The following GSG1L variants were observed in gnomAD, a reference collection of about 807,000 sequenced individuals.
The protein encoded by GSG1L is germ cell-specific gene 1-like protein.
In GSG1L, 24 loss-of-function variants were observed where a neutral mutation model predicts 42.1. The ratio of observed to expected loss-of-function variants is 0.57; its 90% CI spans 0.41 to 0.80. The LOEUF (loss-of-function observed/expected upper bound fraction) is 0.80, where lower values mean the gene tolerates loss of function less well. Among genes scored for constraint, GSG1L ranks in the 30% least tolerant of loss-of-function variants. GSG1L has a pLI of 0.00. For missense variants in GSG1L, 445 were observed against 472.2 expected, an observed-to-expected ratio of 0.94 and a Z score of 0.53; for synonymous variants, 215 against 203.5, an observed-to-expected ratio of 1.06 and a Z score of -0.48.
chr16:28,055,285 A>C (rs755895183), intron 1 of GSG1L, among the ~76,000 whole-genome samples: 2 of 152,098 alleles, frequency 1.3e-5, no homozygotes, highest in Non-Finnish European at 2.9e-5. Flanking sequence ...CCTCCTGAGT[A>C]GCTGGGACTT....
At chr16:27,959,455 G>A (rs1408452937) in intron 2 of GSG1L, among the ~76,000 whole-genome samples, 1 of 126,106 alleles carries the variant, frequency 7.9e-6, no homozygotes, top group Non-Finnish European at 1.6e-5. Flanking sequence ...GCAACAGAGT[G>A]AAACTGTGTC....
intron 2 of GSG1L, among the ~76,000 whole-genome samples, chr16:27,931,774 A>G (rs952132048): frequency 1.3e-5 from 2 of 152,176 alleles, no homozygotes; most frequent in Non-Finnish European, 2.9e-5. Context: ...TTGTGGTGAC[A>G]AGGATTTGGA....
intron 4 of GSG1L, among the ~76,000 whole-genome samples, chr16:27,842,394 C>T (rs1248663810): frequency 1.3e-5 from 2 of 152,190 alleles, no homozygotes; most frequent in African/African-American, 4.8e-5. Flanking sequence ...CTCTACCCCT[C>T]GCAGCTGGAA....
intron 2 of GSG1L, among the ~76,000 whole-genome samples, chr16:27,894,934 G>C (rs2084174092): frequency 6.6e-6 from 1 of 152,150 alleles, no homozygotes; most frequent in African/African-American, 2.4e-5. Context: ...GTTCGAGGGG[G>C]AAAGGGCTGT....
At chr16:27,988,978 G>A (rs1202932095) in intron 1 of GSG1L, among the ~76,000 whole-genome samples, 4 of 150,728 alleles carry the variant, frequency 2.7e-5, no homozygotes, top group Admixed American at 6.6e-5. Context: ...GCTTGAACCC[G>A]GGAGGCGGAT....
chr16:27,798,764 G>A (rs1196962913), intron 6 of GSG1L, among the ~76,000 whole-genome samples: 1 of 152,104 alleles, frequency 6.6e-6, no homozygotes, highest in Non-Finnish European at 1.5e-5. Flanking sequence ...GTGTTTCTTA[G>A]GGTTAGGCAT....
chr16:28,063,320 GC>G lies in GSG1L; in HGVS notation c.104del (p.Gly35AlafsTer158). ...TAFLTTHWCQ[G>X]TQRVPKPGCG... ...AGCCCGGCTTGGGGACCCGCTGCGTGCCCTGGCACCAGTGCGTGGTGAGGAA... is the reference window on the plus strand; with the variant it reads ...AGCCCGGCTTGGGGACCCGCTGCGTGCCTGGCACCAGTGCGTGGTGAGGAA... On this transcript the variant is annotated frameshift_variant, in exon 1 of 7. Coordinates refer to ENST00000447459, the MANE Select transcript of GSG1L (RefSeq NM_001109763.2). LOFTEE classifies it high-confidence loss of function. This position sits in a 1 kb window ranked among gnomAD's most constrained non-coding sequence, Gnocchi z 5.8. The G allele has an allele frequency of 7.1e-7, 1 of 1,399,890 alleles. No homozygotes were observed. Among genetic ancestry groups the G allele is most frequent in the Non-Finnish European group, 9.4e-7 (1 of 1,069,420 alleles). 86.7% of individuals were successfully genotyped at this position (1,399,890 alleles called of 1,614,324 possible).
chr16:28,034,393 C>T (rs2086008655), intron 1 of GSG1L, among the ~76,000 whole-genome samples: 1 of 152,152 alleles, frequency 6.6e-6, no homozygotes, highest in Non-Finnish European at 1.5e-5. Flanking sequence ...GCGACAAAAT[C>T]CAGCTCAAAC....
At chr16:27,915,688 A>G (rs151199460) in intron 2 of GSG1L, among the ~76,000 whole-genome samples, 72 of 152,278 alleles carry the variant, frequency 4.7e-4, no homozygotes, top group Non-Finnish European at 9.3e-4. Flanking sequence ...AGAGGGGAGG[A>G]TCGCTTGAGC....
intron 6 of GSG1L, among the ~76,000 whole-genome samples, chr16:27,795,863 ACT>A (rs2082812419): frequency 6.6e-6 from 1 of 152,166 alleles, no homozygotes; most frequent in Non-Finnish European, 1.5e-5. Context: ...GTGAAGAATC[ACT>A]GTCTTGAACC....
At chr16:27,802,631 G>T (rs895988731) in intron 6 of GSG1L, among the ~76,000 whole-genome samples, 6 of 151,968 alleles carry the variant, frequency 3.9e-5, no homozygotes, top group Non-Finnish European at 2.9e-5. Flanking sequence ...CCCCCAGGAG[G>T]TTAGGCCCCT....
intron 2 of GSG1L, among the ~76,000 whole-genome samples, chr16:27,932,377 T>C (rs1002920697): frequency 1.3e-5 from 2 of 152,142 alleles, no homozygotes; most frequent in African/African-American, 4.8e-5. Context: ...ATTGGCTCAC[T>C]GTTCTGCAGG....
chr16:27,825,226 A>G (rs1411559957), intron 5 of GSG1L, among the ~76,000 whole-genome samples: 1 of 152,126 alleles, frequency 6.6e-6, no homozygotes, highest in East Asian at 1.9e-4. Flanking sequence ...AAAACCCTGA[A>G]TGAGCTCCTA....
intron 2 of GSG1L, among the ~76,000 whole-genome samples, chr16:27,902,810 G>A (rs1291174988): frequency 6.6e-6 from 1 of 152,244 alleles, no homozygotes; most frequent in Non-Finnish European, 1.5e-5. Context: ...AAGGGCTGCA[G>A]TGAGGCTTTA....
chr16:27,814,537 C>T (rs1644605), intron 5 of GSG1L, among the ~76,000 whole-genome samples: 99,900 of 151,798 alleles, frequency 0.66, 33,328 homozygotes, highest in African/African-American at 0.76. Context: ...ATACAAAAAT[C>T]AGCCAGGCGT....
chr16:27,959,597 A>G (rs915108869), intron 2 of GSG1L, among the ~76,000 whole-genome samples: 1 of 151,894 alleles, frequency 6.6e-6, no homozygotes, highest in African/African-American at 2.4e-5. Context: ...GACGGGAGAA[A>G]GGAAGAAAGA....
At chr16:28,000,608 A>AT (rs1489472696) in intron 1 of GSG1L, among the ~76,000 whole-genome samples, 2 of 152,052 alleles carry the variant, frequency 1.3e-5, no homozygotes, top group Admixed American at 1.3e-4. Flanking sequence ...AATGAAATCT[A>AT]TTTTTTTAAA....
intron 2 of GSG1L, among the ~76,000 whole-genome samples, chr16:27,945,160 TG>T (rs1170181845): frequency 1.1e-4 from 16 of 150,974 alleles, no homozygotes; most frequent in Non-Finnish European, 7.4e-5. Context: ...CTCAAGTAAA[TG>T]GGGTTCCTTT....
intron 3 of GSG1L, among the ~76,000 whole-genome samples, chr16:27,881,972 T>TCATCTGTGCTCCACCC (rs1160976698): frequency 6.6e-6 from 1 of 152,022 alleles, no homozygotes; most frequent in Non-Finnish European, 1.5e-5. Flanking sequence ...TTGCTCCACT[T>TCATCTGTGCTCCACCC]CATCTGTGCT....
Sources: allele counts gnomAD v4.1 joint callset (sites outside exome capture counted in the v4.1 genomes callset), GRCh38; gene constraint gnomAD v4.1.1; non-coding constraint Gnocchi (gnomAD v3.1); transcripts MANE v1.5; gene names NCBI Gene and HGNC (gene_info 2026-07-23, HGNC 2026-07-21).